Variants in IL1RAPL1 observed in about 807,000 individuals in gnomAD.
IL1RAPL1 encodes the protein interleukin-1 receptor accessory protein-like 1.
In IL1RAPL1, 3 loss-of-function variants were observed where a neutral mutation model predicts 48.4. The ratio of observed to expected loss-of-function variants is 0.06; its 90% CI spans 0.03 to 0.16. The LOEUF is 0.16. Among genes scored for constraint, IL1RAPL1 ranks in the 10% least tolerant of loss-of-function variants. The pLI, the probability that IL1RAPL1 is intolerant of heterozygous loss-of-function variation, is 1.00. For missense variants in IL1RAPL1, 349 were observed against 530.6 expected (o/e 0.66, Z 3.36); for synonymous variants, 185 against 187.7 (o/e 0.99, Z 0.12).
At chrX:29,788,119 G>C (rs200886516) in intron 6 of IL1RAPL1, among the ~76,000 whole-genome samples, 5 of 104,662 alleles carry the variant, frequency 4.8e-5, no homozygotes, top group Non-Finnish European at 1.0e-4. Context: ...GTGTGTGTGT[G>C]TATGTATGTG....
intron 1 of IL1RAPL1, among the ~76,000 whole-genome samples, chrX:28,590,059 A>G (rs761499745): frequency 8.0e-5 from 9 of 111,889 alleles, no homozygotes; most frequent in South Asian, 7.5e-4. Context: ...AGAGAAGGGA[A>G]TACTGCAGAA....
At chrX:28,992,466 G>T (rs1925626906) in intron 2 of IL1RAPL1, among the ~76,000 whole-genome samples, 1 of 94,493 alleles carries the variant, frequency 1.1e-5, no homozygotes, top group Admixed American at 1.3e-4. Flanking sequence ...CTCCAGCCTG[G>T]CTGACAGAAC....
chrX:29,343,661 C>CA (rs1381736627), intron 3 of IL1RAPL1, among the ~76,000 whole-genome samples: 1 of 111,605 alleles, frequency 9.0e-6, no homozygotes, highest in Non-Finnish European at 1.9e-5. Context: ...TGATCAATTT[C>CA]AGGAGAAGGA....
chrX:29,131,773 A>G (rs1929028169), intron 2 of IL1RAPL1, among the ~76,000 whole-genome samples: 1 of 111,589 alleles, frequency 9.0e-6, no homozygotes, highest in South Asian at 3.7e-4. Flanking sequence ...ACTGCTCTAG[A>G]CACTAAAACA....
intron 2 of IL1RAPL1, among the ~76,000 whole-genome samples, chrX:28,795,245 A>T (rs954451959): frequency 8.9e-6 from 1 of 111,839 alleles, no homozygotes; most frequent in African/African-American, 3.2e-5. Flanking sequence ...GAGTAATTTT[A>T]ATATTCCTTT....
At chrX:28,608,129 C>G (rs980013081) in intron 1 of IL1RAPL1, among the ~76,000 whole-genome samples, 23 of 111,669 alleles carry the variant, frequency 2.1e-4, no homozygotes, top group African/African-American at 7.5e-4. Flanking sequence ...GCTTTAGTGC[C>G]TTGTGTACAT....
At chrX:29,260,962 TAAA>T (rs965292739) in intron 2 of IL1RAPL1, among the ~76,000 whole-genome samples, 2 of 107,311 alleles carry the variant, frequency 1.9e-5, no homozygotes, top group Non-Finnish European at 3.8e-5. Flanking sequence ...AATAAAATAA[TAAA>T]ATGTATAGAC....
chrX:29,937,936 A>G (rs1194490981), intron 8 of IL1RAPL1, among the ~76,000 whole-genome samples: 1 of 111,674 alleles, frequency 9.0e-6, no homozygotes, highest in Non-Finnish European at 1.9e-5. Context: ...ATTCTTGCTT[A>G]TTGCTCATTC....
At chrX:28,786,400 G>A (rs767814331) in intron 1 of IL1RAPL1, among the ~76,000 whole-genome samples, 77 of 110,647 alleles carry the variant, frequency 7.0e-4, no homozygotes, top group Non-Finnish European at 1.2e-3. Flanking sequence ...AGGAGGCAGC[G>A]GTTGCAGTGA....
intron 6 of IL1RAPL1, among the ~76,000 whole-genome samples, chrX:29,782,927 C>T (rs1325915570): frequency 7.5e-5 from 4 of 53,429 alleles, no homozygotes; most frequent in African/African-American, 2.5e-4. Context: ...TTTTTTGAGA[C>T]GGAGTCTCAC....
intron 6 of IL1RAPL1, among the ~76,000 whole-genome samples, chrX:29,904,464 G>A (rs939408121): frequency 3.6e-5 from 4 of 110,607 alleles, no homozygotes; most frequent in Non-Finnish European, 5.7e-5. Context: ...CCATCAACCC[G>A]TCATCTAGGT....
chrX:28,765,544 G>A (rs953103311), intron 1 of IL1RAPL1, among the ~76,000 whole-genome samples: 10 of 110,916 alleles, frequency 9.0e-5, no homozygotes, highest in South Asian at 3.7e-4. Context: ...TATCATGAGC[G>A]AAATGAAAAA....
chrX:28,824,032 G>C (rs753185801), intron 2 of IL1RAPL1, among the ~76,000 whole-genome samples: 2 of 111,601 alleles, frequency 1.8e-5, no homozygotes, highest in Non-Finnish European at 3.8e-5. Flanking sequence ...CCCTCTGCCT[G>C]TTTAAAAATG....
intron 2 of IL1RAPL1, among the ~76,000 whole-genome samples, chrX:29,252,899 G>A (rs1931690765): frequency 9.1e-6 from 1 of 110,418 alleles, no homozygotes; most frequent in Non-Finnish European, 1.9e-5. Context: ...TCTTACATTG[G>A]GATTATGGTA....
intron 2 of IL1RAPL1, among the ~76,000 whole-genome samples, chrX:29,128,408 T>A (rs772687126): frequency 1.8e-5 from 2 of 111,661 alleles, no homozygotes; most frequent in South Asian, 7.6e-4. Context: ...ACGTGCCATA[T>A]TCTCTCTTGC....
chrX:29,329,406 A>C lies in IL1RAPL1; in HGVS notation c.362+46189A>C, dbSNP rs183148364. On this transcript the variant is annotated intron_variant, in intron 3 of 10. Transcript: ENST00000378993. ...CATAAAATCTTGTGCACAAACGTTCATAGCATTATTCATAATAGTCAAAAG... is the reference window on the plus strand; with the variant it reads ...CATAAAATCTTGTGCACAAACGTTCCTAGCATTATTCATAATAGTCAAAAG... Among the ~76,000 whole-genome samples the C allele has an allele frequency of 5.5e-3, 612 of 112,171 alleles. 2 individuals are homozygous for C. Among genetic ancestry groups the C allele is most frequent in the Middle Eastern group, 0.014 (3 of 217 alleles).
At position 28,958,326 on chromosome X, in the gene IL1RAPL1, A is replaced by G. The variant is rs913655668; in HGVS notation, c.82+168901A>G. Among the ~76,000 whole-genome samples, 3 of 111,602 alleles carry G rather than the reference A, an allele frequency of 2.7e-5. No homozygotes were observed. The Admixed American group carries it at 2.9e-4, about 11-fold the overall frequency. On this transcript the variant is annotated intron_variant, in intron 2 of 10. Transcript: ENST00000378993. The stretch of plus-strand genomic sequence containing the variant: ...TCTACTATCTACTTCTATGAGTTCA[A>G]CTTTAGTAGAACATGAATTTGAATG...
intron 6 of IL1RAPL1, among the ~76,000 whole-genome samples, chrX:29,678,558 C>T (rs1177003175): frequency 9.4e-6 from 1 of 105,947 alleles, no homozygotes; most frequent in South Asian, 4.4e-4. Context: ...TTAGTAGACA[C>T]GGGGTCCCAC....
chrX:29,345,550 A>G (rs1474090542), intron 3 of IL1RAPL1, among the ~76,000 whole-genome samples: 2 of 111,879 alleles, frequency 1.8e-5, no homozygotes, highest in East Asian at 5.6e-4. Flanking sequence ...TGGATTTTAT[A>G]TCTTGCAGAT....
Sources: allele counts gnomAD v4.1 joint callset (sites outside exome capture counted in the v4.1 genomes callset), GRCh38; gene constraint gnomAD v4.1.1; transcripts MANE v1.5; gene names NCBI Gene and HGNC (gene_info 2026-07-23, HGNC 2026-07-21).